Variants in PPP2R3B observed in about 807,000 individuals in gnomAD.
PPP2R3B encodes the protein serine/threonine-protein phosphatase 2A regulatory subunit B'' subunit beta.
Under a neutral mutation model 72.9 loss-of-function variants are expected in PPP2R3B, and 68 were observed. The ratio of observed to expected loss-of-function variants is 0.93; its 90% CI spans 0.77 to 1.14. PPP2R3B has a LOEUF of 1.14. Among genes scored for constraint, PPP2R3B ranks in the 50% most tolerant of loss-of-function variants. The probability of loss-of-function intolerance (pLI) is 0.00; values close to 1 mark genes in which losing one functional copy is unlikely to be tolerated. For synonymous variants in PPP2R3B, 466 were observed against 375.8 expected, an observed-to-expected ratio of 1.24 and a Z score of -2.78; for missense variants, 1,018 against 842.0, an observed-to-expected ratio of 1.21 and a Z score of -2.59.
intron 2 of PPP2R3B, among the ~76,000 whole-genome samples, chrX:351,833 G>C (rs2738404): frequency 0.29 from 44,129 of 152,084 alleles, 6,858 homozygotes; most frequent in East Asian, 0.39. Flanking sequence ...AAGTAGCTGG[G>C]ACCACAGGTG....
At chrX:351,757 G>A (rs1220319231) in intron 2 of PPP2R3B, among the ~76,000 whole-genome samples, 1 of 152,170 alleles carries the variant, frequency 6.6e-6, no homozygotes, top group Non-Finnish European at 1.5e-5. Flanking sequence ...GGAGTGCAGT[G>A]TGTGATCACA....
chrX:366,947 A>T (rs113130935), intron 1 of PPP2R3B, among the ~76,000 whole-genome samples: 9 of 147,220 alleles, frequency 6.1e-5, no homozygotes, highest in Non-Finnish European at 1.3e-4. Context: ...AGAATCGCTT[A>T]AACCCGGGAG....
intron 10 of PPP2R3B, 61 bp from the exon 11 acceptor site, chrX:338,957 G>A (rs909334214): frequency 2.9e-6 from 4 of 1,396,924 alleles, no homozygotes; most frequent in Non-Finnish European, 4.1e-6. Context: ...GGGCCTGGGT[G>A]TGGGGTGCGC....
chrX:371,700 C>T (rs941293118), intron 1 of PPP2R3B, among the ~76,000 whole-genome samples: 7 of 152,094 alleles, frequency 4.6e-5, no homozygotes, highest in Middle Eastern at 3.2e-3. Context: ...GGCTCCAACA[C>T]GGGTGCTCCC....
At chrX:386,065 G>C (rs1383424000) in intron 1 of PPP2R3B, among the ~76,000 whole-genome samples, 1 of 152,102 alleles carries the variant, frequency 6.6e-6, no homozygotes, top group African/African-American at 2.4e-5. Flanking sequence ...CTGGGCAACA[G>C]AGCAAAACTC....
At chrX:348,137 C>T (rs992078548) in intron 2 of PPP2R3B, among the ~76,000 whole-genome samples, 2 of 152,058 alleles carry the variant, frequency 1.3e-5, no homozygotes, top group African/African-American at 4.8e-5. Context: ...TAAATACACG[C>T]GTGAGGAAGG....
chrX:372,607 T>C (rs150539130), intron 1 of PPP2R3B, among the ~76,000 whole-genome samples: 19 of 152,318 alleles, frequency 1.2e-4, no homozygotes, highest in African/African-American at 4.3e-4. Context: ...ACTCATACAA[T>C]ATACACGGGG....
At chrX:383,560 G>A (rs1238933071) in intron 1 of PPP2R3B, among the ~76,000 whole-genome samples, 6 of 151,912 alleles carry the variant, frequency 3.9e-5, no homozygotes, top group Admixed American at 2.0e-4. Flanking sequence ...GGCTGTCGGC[G>A]GGCACGGTGG....
Position 341,361 on chromosome X carries a change from T to C in PPP2R3B, c.1121A>G (p.Tyr374Cys). 1.2e-6 allele frequency: 2 copies of C among 1,612,754 alleles called. No homozygotes were observed. Among genetic ancestry groups the C allele is most frequent in the East Asian group, 2.2e-5 (1 of 44,876 alleles). The change falls in exon 9 of 13, where the codon TAT becomes TGT. Residue 374 changes from tyrosine to cysteine, a missense_variant. Tyr to Cys is a radical substitution (Grantham distance 194). Transcript: ENST00000390665. ...RKVQKEGKIS[Y>C]ADFVWFLISE... Reference sequence around the variant, plus strand: ...GATCAAAAACCAGACAAAGTCGGCATAGCTGATCTTCCCTTCCTTCTGCAC... The same window carrying C: ...GATCAAAAACCAGACAAAGTCGGCACAGCTGATCTTCCCTTCCTTCTGCAC...
intron 1 of PPP2R3B, among the ~76,000 whole-genome samples, chrX:380,043 T>C (rs2072089472): frequency 6.6e-6 from 1 of 152,112 alleles, no homozygotes; most frequent in Non-Finnish European, 1.5e-5. Flanking sequence ...GCTGGGGTCA[T>C]CCAGATACCT....
At chrX:341,528 C>CCCCTCCTGCCT in intron 8 of PPP2R3B, 132 bp from the exon 9 acceptor site, 1 of 832,678 alleles carries the variant, frequency 1.2e-6, no homozygotes, top group Non-Finnish European at 2.0e-6. Context: ...CCCTCCTGCC[C>CCCCTCCTGCCT]CTCCTCCTGC....
chrX:364,528 A>AC (rs1569405734), intron 1 of PPP2R3B, among the ~76,000 whole-genome samples: 1 of 147,834 alleles, frequency 6.8e-6, no homozygotes, highest in African/African-American at 2.5e-5. Context: ...AAACAAAAAA[A>AC]AAAAAACAGA....
At chrX:336,333 A>G (rs2070888684) in intron 12 of PPP2R3B, 1 of 152,288 alleles carries the variant, frequency 6.6e-6, no homozygotes, top group South Asian at 2.1e-4. Context: ...GAGCGAAAGC[A>G]TCTGAGAAAT....
chrX:359,844 C>T (rs1360848781), intron 2 of PPP2R3B: 3 of 515,196 alleles, frequency 5.8e-6, no homozygotes, highest in Admixed American at 2.0e-5. Flanking sequence ...ACTATTACCT[C>T]TGGGGTAGAA....
At chrX:351,004 G>A (rs2738342) in intron 2 of PPP2R3B, among the ~76,000 whole-genome samples, 17,654 of 152,166 alleles carry the variant, frequency 0.12, 1,053 homozygotes, top group Middle Eastern at 0.15. Context: ...CAGGGCGGGA[G>A]TGACCACGGG....
At chrX:353,662 C>T (rs1286084869) in intron 2 of PPP2R3B, among the ~76,000 whole-genome samples, 24 of 152,286 alleles carry the variant, frequency 1.6e-4, no homozygotes, top group African/African-American at 4.3e-4. Context: ...CGAGCGCAGA[C>T]GCAACCCCTG....
rs1569382307 is a variant in PPP2R3B, at chrX:342,934, A to ACG, written c.1037-1004_1037-1003insCG. Among the ~76,000 whole-genome samples the ACG allele has an allele frequency of 1.7e-3, 38 of 22,314 alleles. 2 individuals carry two copies. Among genetic ancestry groups the ACG allele is most frequent in the Non-Finnish European group, 2.4e-3 (26 of 10,738 alleles). The allele number at this position is 22,314 out of a possible 152,430, so 14.6% of individuals were successfully genotyped here. A position where few individuals can be genotyped will look rare whatever the true frequency, so the allele number is the denominator to read the frequency against. On this transcript the variant is annotated intron_variant, in intron 7 of 12. Transcript: ENST00000390665. ...GGGAGGCGGGAGGGAGACCTCGCCA[A>ACG]GGAGAGGCGGGAGTGAGACCTCGCC...
intron 1 of PPP2R3B, among the ~76,000 whole-genome samples, chrX:371,576 C>T (rs1235666634): frequency 2.0e-5 from 3 of 152,092 alleles, no homozygotes; most frequent in Non-Finnish European, 2.9e-5. Flanking sequence ...CTCGTGGGTG[C>T]GGCCAACGTT....
intron 1 of PPP2R3B, among the ~76,000 whole-genome samples, chrX:385,799 G>A (rs1212913729): frequency 1.3e-5 from 2 of 151,866 alleles, no homozygotes; most frequent in African/African-American, 4.8e-5. Flanking sequence ...ATAAAAAACG[G>A]ACCAGGCGCA....
Sources: allele counts gnomAD v4.1 joint callset (sites outside exome capture counted in the v4.1 genomes callset), GRCh38; gene constraint gnomAD v4.1.1; transcripts MANE v1.5; gene names NCBI Gene and HGNC (gene_info 2026-07-23, HGNC 2026-07-21).